Variants in ARHGAP6 observed in about 807,000 individuals in gnomAD.
ARHGAP6 encodes the protein Rho GTPase activating protein 6.
In ARHGAP6, 16 loss-of-function variants were observed where a neutral mutation model predicts 55.7. The observed-to-expected ratio is 0.29, with a 90% CI of 0.19 to 0.44. The LOEUF (loss-of-function observed/expected upper bound fraction) is 0.44, where lower values mean the gene tolerates loss of function less well. Ranked by LOEUF, ARHGAP6 falls within the 20% of genes least tolerant of loss-of-function variation. The probability of loss-of-function intolerance (pLI) is 1.00; values close to 1 mark genes in which losing one functional copy is unlikely to be tolerated. For synonymous variants in ARHGAP6, 382 were observed against 360.9 expected (o/e 1.06, Z -0.66); for missense variants, 698 against 808.9 (o/e 0.86, Z 1.66).
chrX:11,559,425 G>A (rs945914124), intron 1 of ARHGAP6, among the ~76,000 whole-genome samples: 1 of 111,016 alleles, frequency 9.0e-6, no homozygotes, highest in Non-Finnish European at 1.9e-5. Flanking sequence ...TGTCCTCCGG[G>A]ATAATATGGA....
At chrX:11,481,589 T>C (rs2050457160) in intron 1 of ARHGAP6, among the ~76,000 whole-genome samples, 1 of 112,698 alleles carries the variant, frequency 8.9e-6, no homozygotes, top group African/African-American at 3.2e-5. Context: ...AGAGAAAGAA[T>C]GTGTGCCAAG....
intron 1 of ARHGAP6, among the ~76,000 whole-genome samples, chrX:11,638,087 G>C (rs1326038264): frequency 9.0e-6 from 1 of 111,429 alleles, no homozygotes; most frequent in Non-Finnish European, 1.9e-5. Context: ...ATGGCATCCA[G>C]TGGTTGGGCA....
chrX:11,246,187 G>A (rs12013986), intron 2 of ARHGAP6, among the ~76,000 whole-genome samples: 1 of 111,141 alleles, frequency 9.0e-6, no homozygotes, highest in African/African-American at 3.3e-5. Flanking sequence ...AAAGTGATAT[G>A]GTGATGGCAA....
At chrX:11,424,857 C>T (rs1480522933) in intron 1 of ARHGAP6, among the ~76,000 whole-genome samples, 1 of 112,492 alleles carries the variant, frequency 8.9e-6, no homozygotes, top group Non-Finnish European at 1.9e-5. Flanking sequence ...AGCAAGAAGA[C>T]AGTTGTATTA....
chrX:11,494,737 T>TGCTCTGATTACAGAGAGATTTTTGTA (rs2050605720), intron 1 of ARHGAP6, among the ~76,000 whole-genome samples: 1 of 111,994 alleles, frequency 8.9e-6, no homozygotes, highest in Non-Finnish European at 1.9e-5. Context: ...TCACAGGTCC[T>TGCTCTGATTACAGAGAGATTTTTGTA]GCTCTGATTA....
At chrX:11,454,909 T>C (rs2050182010) in intron 1 of ARHGAP6, among the ~76,000 whole-genome samples, 1 of 112,424 alleles carries the variant, frequency 8.9e-6, no homozygotes, top group South Asian at 3.7e-4. Context: ...TATGAACCAA[T>C]ATTGAACTAC....
In ARHGAP6 at chrX:11,305,834, T is replaced by A. The variant is rs756424794; in HGVS notation, c.589-51127A>T. The stretch of plus-strand genomic sequence containing the variant: ...GATTCTTTTGATTAAGAAGTTTTTG[T>A]TACAAAATTGTTACAGAATAAAACC... On this transcript the variant is annotated intron_variant, in intron 1 of 12. Transcript: ENST00000337414. Among the ~76,000 whole-genome samples, 6 of 111,971 alleles carry A rather than the reference T, an allele frequency of 5.4e-5. No homozygotes were observed. The South Asian group carries it at 2.3e-3, about 42-fold the overall frequency.
chrX:11,272,794 T>C (rs1442628623), intron 1 of ARHGAP6, among the ~76,000 whole-genome samples: 1 of 112,129 alleles, frequency 8.9e-6, no homozygotes, highest in East Asian at 2.8e-4. Context: ...ATGGGGAATA[T>C]TTTGAACAGT....
intron 9 of ARHGAP6, among the ~76,000 whole-genome samples, chrX:11,159,567 G>GT (rs752083739): frequency 6.3e-5 from 7 of 111,348 alleles, no homozygotes; most frequent in Non-Finnish European, 9.4e-5. Context: ...TGGAGTTGCT[G>GT]TTGACTGGTT....
chrX:11,400,416 G>A (rs998166796), intron 1 of ARHGAP6, among the ~76,000 whole-genome samples: 11 of 109,376 alleles, frequency 1.0e-4, no homozygotes, highest in Non-Finnish European at 1.9e-4. Flanking sequence ...AGAAGGTGAC[G>A]AAGTGAAGCT....
At chrX:11,185,101 G>A (rs952756449) in intron 5 of ARHGAP6, among the ~76,000 whole-genome samples, 2 of 111,110 alleles carry the variant, frequency 1.8e-5, no homozygotes, top group African/African-American at 6.6e-5. Context: ...CATTGCCTAT[G>A]CAGTCAGTCA....
intron 1 of ARHGAP6, among the ~76,000 whole-genome samples, chrX:11,398,262 T>TAAAAAAAA (rs60548732): frequency 1.7e-5 from 1 of 58,833 alleles, no homozygotes; most frequent in Non-Finnish European, 3.5e-5. Context: ...GTAAGTGCTA[T>TAAAAAAAA]AAAAAAAAAA....
At chrX:11,367,211 G>A (rs1171653247) in intron 1 of ARHGAP6, among the ~76,000 whole-genome samples, 2 of 112,199 alleles carry the variant, frequency 1.8e-5, no homozygotes, top group African/African-American at 3.2e-5. Flanking sequence ...GGAGTAGATA[G>A]ATGAGCATGT....
At chrX:11,139,834 C>T (rs1569227169) in intron 12 of ARHGAP6, among the ~76,000 whole-genome samples, 1 of 112,519 alleles carries the variant, frequency 8.9e-6, no homozygotes, top group African/African-American at 3.2e-5. Flanking sequence ...GAAAGGGCCC[C>T]TCTACATGGC....
chrX:11,384,869 T>G (rs1031681098), intron 1 of ARHGAP6, among the ~76,000 whole-genome samples: 3 of 111,263 alleles, frequency 2.7e-5, no homozygotes, highest in African/African-American at 9.8e-5. Flanking sequence ...CTTTCCTGGT[T>G]TTAGCGCTGA....
chrX:11,214,333 T>C (rs1339576234), intron 2 of ARHGAP6, among the ~76,000 whole-genome samples: 1 of 109,692 alleles, frequency 9.1e-6, no homozygotes, highest in Non-Finnish European at 1.9e-5. Flanking sequence ...CAAAGGCAAC[T>C]TCAATTTTGT....
At chrX:11,238,029 T>G (rs2047226242) in intron 2 of ARHGAP6, among the ~76,000 whole-genome samples, 1 of 111,765 alleles carries the variant, frequency 8.9e-6, no homozygotes, top group South Asian at 3.8e-4. Flanking sequence ...TCACCAAATG[T>G]CCTCCAGGGA....
chrX:11,631,904 A>G (rs2052365707), intron 1 of ARHGAP6, among the ~76,000 whole-genome samples: 1 of 111,962 alleles, frequency 8.9e-6, no homozygotes, highest in Non-Finnish European at 1.9e-5. Context: ...AAATATAAAA[A>G]GCATTCTTTG....
chrX:11,314,635 A>G (rs1327553443), intron 1 of ARHGAP6, among the ~76,000 whole-genome samples: 1 of 111,862 alleles, frequency 8.9e-6, no homozygotes, highest in African/African-American at 3.3e-5. Context: ...ATTCTTTTTT[A>G]TGGCTGCATG....
Sources: allele counts gnomAD v4.1 joint callset (sites outside exome capture counted in the v4.1 genomes callset), GRCh38; gene constraint gnomAD v4.1.1; transcripts MANE v1.5; gene names NCBI Gene and HGNC (gene_info 2026-07-23, HGNC 2026-07-21).